HCN1: variants seen among roughly 807,000 people sequenced by gnomAD.
HCN1 encodes the protein hyperpolarization activated cyclic nucleotide gated potassium channel 1.
A neutral mutation model predicts 78.9 loss-of-function variants in HCN1; 13 were observed. The ratio of observed to expected loss-of-function variants is 0.16; its 90% CI spans 0.11 to 0.26. HCN1 has a LOEUF of 0.26. HCN1 is among the 10% of genes least tolerant of loss of function. The pLI is 1.00. For synonymous variants in HCN1, 552 were observed against 455.5 expected (o/e 1.21, Z -2.70); for missense variants, 810 against 1,154.3 (o/e 0.70, Z 4.32).
chr5:45,350,349 A>G (rs907440645), intron 5 of HCN1, among the ~76,000 whole-genome samples: 3 of 152,182 alleles, frequency 2.0e-5, no homozygotes, highest in Admixed American at 6.5e-5. Context: ...AACTCTCAAT[A>G]AATTAGGTAT....
intron 2 of HCN1, among the ~76,000 whole-genome samples, chr5:45,593,323 CT>C (rs71000643): frequency 1.1e-4 from 12 of 111,582 alleles, no homozygotes; most frequent in African/African-American, 3.1e-4. Flanking sequence ...CTCTCTCTCC[CT>C]CTCTCTCTCT....
intron 1 of HCN1, among the ~76,000 whole-genome samples, chr5:45,663,094 G>C (rs1375236538): frequency 2.0e-5 from 3 of 149,626 alleles, no homozygotes; most frequent in Non-Finnish European, 4.4e-5. Context: ...GCATGGTACT[G>C]GTACCAAAAC....
chr5:45,440,035 G>A (rs1193797757), intron 3 of HCN1, among the ~76,000 whole-genome samples: 2 of 148,294 alleles, frequency 1.3e-5, no homozygotes, highest in East Asian at 1.9e-4. Flanking sequence ...ATAATGTAAT[G>A]TACTATTATT....
chr5:45,618,865 G>T (rs964487134), intron 2 of HCN1, among the ~76,000 whole-genome samples: 3 of 151,912 alleles, frequency 2.0e-5, no homozygotes, highest in Non-Finnish European at 4.4e-5. Flanking sequence ...ATCTAGACGG[G>T]ATATAAAGAG....
At chr5:45,351,949 C>T (rs1177235007) in intron 5 of HCN1, among the ~76,000 whole-genome samples, 1 of 152,166 alleles carries the variant, frequency 6.6e-6, no homozygotes, top group Non-Finnish European at 1.5e-5. Flanking sequence ...CTAGTTCAAA[C>T]ATTGTGAAAG....
intron 2 of HCN1, among the ~76,000 whole-genome samples, chr5:45,504,923 C>T (rs1306808430): frequency 1.5e-4 from 23 of 152,158 alleles, no homozygotes; most frequent in Non-Finnish European, 2.8e-4. Flanking sequence ...TGTTCATATC[C>T]TTCGCCCACT....
chr5:45,693,041 C>T lies in HCN1; in HGVS notation c.425+2628G>A, dbSNP rs575966427. Among the ~76,000 whole-genome samples the T allele has an allele frequency of 5.9e-5, 9 of 152,204 alleles. No individual in the cohort carries two copies. The South Asian group carries it at 1.9e-3, about 32-fold the overall frequency. On this transcript the variant is annotated intron_variant, in intron 1 of 7. Transcript: ENST00000303230. ...TGACATTTTAGGAATTGTAGTAAAG[C>T]ACCTCCCTGAAATAATCCTTCAGGA...
chr5:45,303,782 C>T lies in HCN1; in HGVS notation c.1435G>A (p.Ala479Thr). 1.2e-6 allele frequency: 2 copies of T among 1,613,626 alleles called. No individual in the cohort carries two copies. The highest frequency in any genetic ancestry group is 1.7e-6 in the Non-Finnish European group (2 of 1,179,740). The change falls in exon 6 of 8, where the codon GCG (alanine) becomes ACG (threonine). Residue 479 changes from alanine (A) to threonine (T), a missense_variant. Ala to Thr is a moderately conservative substitution (Grantham distance 58). Transcript: ENST00000303230. ...LVATMPLFAN[A>T]DPNFVTAMLS... ...ATGGCAGTCACAAAATTAGGATCCG[C>T]ATTAGCAAATAAAGGCATTGTAGCC... is the stretch of plus-strand genomic sequence containing the variant.
chr5:45,355,610 C>T (rs534943210), intron 4 of HCN1, among the ~76,000 whole-genome samples: 1 of 151,928 alleles, frequency 6.6e-6, no homozygotes, highest in East Asian at 1.9e-4. Flanking sequence ...ATCCTAATGC[C>T]TCTATGTAGG....
intron 2 of HCN1, among the ~76,000 whole-genome samples, chr5:45,547,808 G>C (rs1743259837): frequency 6.6e-6 from 1 of 151,784 alleles, no homozygotes; most frequent in Admixed American, 6.6e-5. Flanking sequence ...TAATGGATAG[G>C]TCAGAGAAAA....
At chr5:45,306,816 A>G (rs924271433) in intron 5 of HCN1, among the ~76,000 whole-genome samples, 2 of 152,130 alleles carry the variant, frequency 1.3e-5, no homozygotes, top group Non-Finnish European at 2.9e-5. Flanking sequence ...GGATTGAGTT[A>G]GGAGTATTAT....
chr5:45,551,222 G>T (rs891545265), intron 2 of HCN1, among the ~76,000 whole-genome samples: 1 of 151,818 alleles, frequency 6.6e-6, no homozygotes, highest in Non-Finnish European at 1.5e-5. Flanking sequence ...TCCTGGCTAG[G>T]TATTACAATG....
chr5:45,349,527 G>A (rs936120656), intron 5 of HCN1, among the ~76,000 whole-genome samples: 4 of 152,042 alleles, frequency 2.6e-5, no homozygotes, highest in Non-Finnish European at 5.9e-5. Context: ...TAAAATCAGA[G>A]CAGAACTGAA....
intron 2 of HCN1, among the ~76,000 whole-genome samples, chr5:45,490,206 C>A (rs140502555): frequency 6.6e-6 from 1 of 152,234 alleles, no homozygotes; most frequent in Non-Finnish European, 1.5e-5. Context: ...ATAACTAGGT[C>A]ATAGAATGCC....
At chr5:45,432,563 A>G (rs1740484558) in intron 3 of HCN1, among the ~76,000 whole-genome samples, 1 of 152,022 alleles carries the variant, frequency 6.6e-6, no homozygotes, top group African/African-American at 2.4e-5. Context: ...GTTTTGTGCC[A>G]GTTTTCATTG....
intron 6 of HCN1, among the ~76,000 whole-genome samples, chr5:45,301,336 A>ATTTG (rs1415770883): frequency 6.6e-6 from 1 of 151,532 alleles, no homozygotes; most frequent in Non-Finnish European, 1.5e-5. Flanking sequence ...TGTATTTAGA[A>ATTTG]TATGTATAAT....
chr5:45,375,063 TATATA>T (rs1183296917), intron 4 of HCN1, among the ~76,000 whole-genome samples: 2 of 126,568 alleles, frequency 1.6e-5, no homozygotes, highest in Admixed American at 1.0e-4. Context: ...TTTATATATA[TATATA>T]ATATATTATA....
intron 2 of HCN1, among the ~76,000 whole-genome samples, chr5:45,590,583 T>C (rs1744340476): frequency 6.6e-6 from 1 of 152,194 alleles, no homozygotes; most frequent in African/African-American, 2.4e-5. Flanking sequence ...ATGACCCCTT[T>C]AGTATTATAC....
intron 4 of HCN1, 38 bp from the exon 5 acceptor site, chr5:45,353,284 G>T: frequency 1.4e-6 from 2 of 1,409,748 alleles, no homozygotes; most frequent in East Asian, 4.6e-5. Context: ...AAAAAACATT[G>T]TTAGGGTGTA....
Sources: allele counts gnomAD v4.1 joint callset (sites outside exome capture counted in the v4.1 genomes callset), GRCh38; gene constraint gnomAD v4.1.1; transcripts MANE v1.5; gene names NCBI Gene and HGNC (gene_info 2026-07-23, HGNC 2026-07-21).